The following PXDNL variants were observed in gnomAD, a reference collection of about 807,000 sequenced individuals.
The protein encoded by PXDNL is probable oxidoreductase PXDNL.
In PXDNL, 145 loss-of-function variants were observed where a neutral mutation model predicts 150.8. The observed-to-expected ratio is 0.96, with a 90% CI of 0.84 to 1.10. The LOEUF is 1.10. Among genes scored for constraint, PXDNL ranks in the 50% least tolerant of loss-of-function variants. The probability of loss-of-function intolerance (pLI) is 0.00; values close to 1 mark genes in which losing one functional copy is unlikely to be tolerated. For missense variants in PXDNL, 2,087 were observed against 1,873.9 expected, an observed-to-expected ratio of 1.11 and a Z score of -2.10; for synonymous variants, 757 against 725.7, an observed-to-expected ratio of 1.04 and a Z score of -0.69.
chr8:51,438,102 T>G (rs1052012356), intron 12 of PXDNL, among the ~76,000 whole-genome samples: 1 of 152,140 alleles, frequency 6.6e-6, no homozygotes, highest in East Asian at 1.9e-4. Context: ...GAAGTATACC[T>G]AATCAAGGAG....
At chr8:51,448,920 ATTAAT>A (rs1399950487) in intron 11 of PXDNL, 77 bp downstream of exon 11, 5 of 760,592 alleles carry the variant, frequency 6.6e-6, no homozygotes, top group Non-Finnish European at 9.4e-6. Flanking sequence ...ACCTTCGATA[ATTAAT>A]TTAAACTATT....
chr8:51,473,706 C>T (rs932728851), intron 7 of PXDNL, among the ~76,000 whole-genome samples: 3 of 148,606 alleles, frequency 2.0e-5, no homozygotes, highest in East Asian at 2.0e-4. Flanking sequence ...AACTAACCTG[C>T]GCACTGAGCA....
chr8:51,452,595 G>C (rs527529692), intron 10 of PXDNL, among the ~76,000 whole-genome samples: 1 of 152,180 alleles, frequency 6.6e-6, no homozygotes, highest in Non-Finnish European at 1.5e-5. Flanking sequence ...GGGGCTCACT[G>C]TTCTGAAGCC....
At chr8:51,750,990 G>A (rs1274564066) in intron 1 of PXDNL, among the ~76,000 whole-genome samples, 1 of 151,450 alleles carries the variant, frequency 6.6e-6, no homozygotes, top group Non-Finnish European at 1.5e-5. Context: ...TGCTGAGGCA[G>A]GTAAAAAAAT....
intron 20 of PXDNL, among the ~76,000 whole-genome samples, chr8:51,341,898 G>A (rs895376570): frequency 6.6e-6 from 1 of 152,182 alleles, no homozygotes; most frequent in Non-Finnish European, 1.5e-5. Context: ...ACAGTATGGA[G>A]ACTCCTCAAA....
intron 3 of PXDNL, among the ~76,000 whole-genome samples, chr8:51,567,475 G>A (rs1812853077): frequency 6.6e-6 from 1 of 151,770 alleles, no homozygotes; most frequent in Non-Finnish European, 1.5e-5. Context: ...AAGGATTGCT[G>A]TGTCATCTTG....
chr8:51,468,066 G>C (rs1163567502), intron 8 of PXDNL, among the ~76,000 whole-genome samples: 1 of 151,990 alleles, frequency 6.6e-6, no homozygotes, highest in African/African-American at 2.4e-5. Flanking sequence ...GCTATGAGTT[G>C]AGATTTTGTA....
chr8:51,377,081 A>C lies in PXDNL; in HGVS notation c.3558-2350T>G, dbSNP rs567502821. Among the ~76,000 whole-genome samples the C allele has an allele frequency of 2.1e-5, 3 of 144,800 alleles. No homozygotes were observed. The South Asian group carries it at 6.6e-4, about 32-fold the overall frequency. The allele number at this position is 144,800 out of a possible 152,430, so 95.0% of individuals were successfully genotyped here. ...TCATTCTGCTTTAATGTCACCATCA[A>C]ATCTGAAGTGGCACTCTACCCTTTA... is the stretch of plus-strand genomic sequence containing the variant. On this transcript the variant is annotated intron_variant, in intron 17 of 22. Coordinates refer to ENST00000356297, the MANE Select transcript of PXDNL (RefSeq NM_144651.5).
intron 19 of PXDNL, among the ~76,000 whole-genome samples, chr8:51,357,302 A>G (rs1355390046): frequency 6.6e-6 from 1 of 152,228 alleles, no homozygotes; most frequent in African/African-American, 2.4e-5. Flanking sequence ...GAGTACACAC[A>G]GAAGCAGCAC....
At chr8:51,350,328 T>C (rs1806305710) in intron 19 of PXDNL, among the ~76,000 whole-genome samples, 1 of 76,258 alleles carries the variant, frequency 1.3e-5, no homozygotes, top group Non-Finnish European at 3.4e-5. Flanking sequence ...CCTCCCACCC[T>C]AGTCTTTTAT....
chr8:51,775,668 T>C (rs2037344315), intron 1 of PXDNL, among the ~76,000 whole-genome samples: 1 of 152,226 alleles, frequency 6.6e-6, no homozygotes, highest in Admixed American at 6.5e-5. Context: ...CTCTTGTGAT[T>C]TCCTATACCT....
intron 4 of PXDNL, among the ~76,000 whole-genome samples, chr8:51,520,708 A>G (rs1811644394): frequency 6.6e-6 from 1 of 152,020 alleles, no homozygotes; most frequent in Admixed American, 6.5e-5. Flanking sequence ...CAAACTTCAC[A>G]TTGCCCAGCT....
chr8:51,475,096 C>T lies in PXDNL; in HGVS notation c.570G>A (p.Trp190Ter). Reference protein sequence around the residue: ...NALVCDCDLMWLGELLQGFAQ... With the variant: ...NALVCDCDLM The stretch of plus-strand genomic sequence containing the variant: ...CAAAGCCTTGTAAAAGCTCCCCCAG[C>T]CACATCAGATCACAGTCACAAACCA... The change falls in exon 7 of 23, where the codon TGG becomes TGA. Residue 190 changes from tryptophan (W) to a stop codon, truncating the protein, a stop_gained. Coordinates refer to ENST00000356297, the MANE Select transcript of PXDNL (RefSeq NM_144651.5). LOFTEE classifies it high-confidence loss of function. 6.2e-7 allele frequency: 1 copy of T among 1,613,926 alleles called. No homozygotes were observed. The highest frequency in any genetic ancestry group is 8.5e-7 in the Non-Finnish European group (1 of 1,179,844).
intron 1 of PXDNL, among the ~76,000 whole-genome samples, chr8:51,675,964 C>G (rs1239060154): frequency 6.6e-6 from 1 of 152,138 alleles, no homozygotes. Flanking sequence ...ACATCTCTTA[C>G]AATTCTTATC....
chr8:51,323,641 C>T (rs1006128818), intron 21 of PXDNL, among the ~76,000 whole-genome samples: 6 of 152,040 alleles, frequency 3.9e-5, no homozygotes, highest in South Asian at 4.2e-4. Context: ...GGGCTGGGTG[C>T]GGTGGCTCAT....
At chr8:51,731,045 C>T (rs531717410) in intron 1 of PXDNL, among the ~76,000 whole-genome samples, 2 of 152,164 alleles carry the variant, frequency 1.3e-5, no homozygotes, top group Non-Finnish European at 2.9e-5. Context: ...ATCTCATGTT[C>T]TCACATTTCA....
In PXDNL at chr8:51,486,112, G is replaced by A. The variant is rs976737128; in HGVS notation, c.453-2398C>T. Among the ~76,000 whole-genome samples, 32 of 152,202 alleles carry A rather than the reference G, an allele frequency of 2.1e-4. 1 individual carries two copies. Among genetic ancestry groups the A allele is most frequent in the Admixed American group, 1.8e-3 (28 of 15,282 alleles). On this transcript the variant is annotated intron_variant, in intron 5 of 22. Transcript: ENST00000356297. ...AAAGACTGTTGTTCTTTCTTTAAAC[G>A]TATTTTAGAGGCTGGAAATTGCATC...
intron 1 of PXDNL, among the ~76,000 whole-genome samples, chr8:51,758,923 T>C (rs535763981): frequency 6.6e-6 from 1 of 152,340 alleles, no homozygotes; most frequent in East Asian, 1.9e-4. Flanking sequence ...AGTGACTCTC[T>C]CCAGTGTTGC....
intron 1 of PXDNL, among the ~76,000 whole-genome samples, chr8:51,803,728 T>C (rs1347875449): frequency 6.6e-6 from 1 of 151,824 alleles, no homozygotes; most frequent in Non-Finnish European, 1.5e-5. Flanking sequence ...TTGTTCTTCT[T>C]TGTGTTTACT....
Sources: allele counts gnomAD v4.1 joint callset (sites outside exome capture counted in the v4.1 genomes callset), GRCh38; gene constraint gnomAD v4.1.1; transcripts MANE v1.5; gene names NCBI Gene and HGNC (gene_info 2026-07-23, HGNC 2026-07-21).